Variants in PPP2R5C observed in about 807,000 individuals in gnomAD.
PPP2R5C encodes the protein protein phosphatase 2 regulatory subunit B'gamma, also known as serine/threonine-protein phosphatase 2A 56 kDa regulatory subunit gamma isoform.
In PPP2R5C, 7 loss-of-function variants were observed where a neutral mutation model predicts 68.9. The ratio of observed to expected loss-of-function variants is 0.10; its 90% confidence interval spans 0.06 to 0.19. PPP2R5C has a LOEUF of 0.19. PPP2R5C is among the 10% of genes least tolerant of loss of function. PPP2R5C has a pLI of 1.00. For synonymous variants in PPP2R5C, 210 were observed against 222.2 expected, an observed-to-expected ratio of 0.95 and a Z score of 0.49; for missense variants, 348 against 641.3, an observed-to-expected ratio of 0.54 and a Z score of 4.94.
chr14:101,791,415 T>G (rs1444412376), intron 3 of PPP2R5C, among the ~76,000 whole-genome samples: 1 of 152,210 alleles, frequency 6.6e-6, no homozygotes, highest in African/African-American at 2.4e-5. Flanking sequence ...TTCCCAGATA[T>G]GAGTCCTTTA....
At chr14:101,762,482 G>A (rs972600275) in intron 1 of PPP2R5C, among the ~76,000 whole-genome samples, 2 of 152,048 alleles carry the variant, frequency 1.3e-5, no homozygotes, top group Non-Finnish European at 2.9e-5. Context: ...GGTGAGGGCT[G>A]CGAGCAAGGG....
chr14:101,901,898 G>A lies in PPP2R5C; in HGVS notation c.1023+9G>A. 6.2e-7 allele frequency: 1 copy of A among 1,611,760 alleles called. No individual in the cohort carries two copies. Among genetic ancestry groups the A allele is most frequent in the Non-Finnish European group, 8.5e-7 (1 of 1,178,232 alleles). On this transcript the variant is annotated intron_variant, in intron 9 of 13. Transcript: ENST00000334743. ...CCAGCCCACACTTCCAGGTATGTGGGGCTTGGGGGACCTGATTAAATTCTT... is the reference window on the plus strand; with the variant it reads ...CCAGCCCACACTTCCAGGTATGTGGAGCTTGGGGGACCTGATTAAATTCTT...
chr14:101,902,328 CT>C (rs1299590978), intron 9 of PPP2R5C, among the ~76,000 whole-genome samples: 31 of 152,322 alleles, frequency 2.0e-4, no homozygotes, highest in Middle Eastern at 3.4e-3. Context: ...AGAGCTCTGA[CT>C]TTTGTCACTG....
rs2046482551 is a variant in PPP2R5C at position 101,913,093 on chromosome 14, C to T, written c.1326+620C>T. ...GGCTGCCAGGGTCCGGGAGGGTTTC[C>T]TGGTGTCATGGTCTTTGGGTTTGAT... is the stretch of plus-strand genomic sequence containing the variant. On this transcript the variant is annotated intron_variant, in intron 12 of 13. Coordinates refer to ENST00000334743, the Ensembl canonical transcript of PPP2R5C. The surrounding 1 kb of genome is among the most constrained non-coding windows in gnomAD (Gnocchi z 4.1). Among the ~76,000 whole-genome samples the T allele has an allele frequency of 6.6e-6, 1 of 152,180 alleles. No individual in the cohort carries two copies. The highest frequency in any genetic ancestry group is 1.5e-5 in the Non-Finnish European group (1 of 68,038).
intron 1 of PPP2R5C, among the ~76,000 whole-genome samples, chr14:101,839,924 G>A (rs1180192424): frequency 6.6e-6 from 1 of 151,832 alleles, no homozygotes; most frequent in Admixed American, 6.6e-5. Flanking sequence ...TTCTCTCTGG[G>A]TTGGCCTTTC....
chr14:101,862,676 T>C (rs942118464), intron 2 of PPP2R5C, among the ~76,000 whole-genome samples: 1 of 152,222 alleles, frequency 6.6e-6, no homozygotes, highest in East Asian at 1.9e-4. Context: ...GAAGCAGATA[T>C]GATAATCTAG....
At chr14:101,841,270 A>G (rs1354767200) in intron 1 of PPP2R5C, among the ~76,000 whole-genome samples, 1 of 152,092 alleles carries the variant, frequency 6.6e-6, no homozygotes, top group Non-Finnish European at 1.5e-5. Context: ...CTTTACAGAT[A>G]TTTGCTAAAT....
intron 3 of PPP2R5C, among the ~76,000 whole-genome samples, chr14:101,799,895 G>C (rs961815271): frequency 6.6e-6 from 1 of 152,278 alleles, no homozygotes; most frequent in African/African-American, 2.4e-5. Flanking sequence ...TTTGTTCCTA[G>C]CCTGTGCCTA....
upstream of PPP2R5C, among the ~76,000 whole-genome samples, chr14:101,806,583 A>G (rs2039088290): frequency 6.6e-6 from 1 of 152,090 alleles, no homozygotes; most frequent in Non-Finnish European, 1.5e-5. Context: ...ATTGTTTTTT[A>G]ATCAATTATA....
chr14:101,880,531 C>T (rs1612469), intron 2 of PPP2R5C, among the ~76,000 whole-genome samples: 16,220 of 152,262 alleles, frequency 0.11, 991 homozygotes, highest in African/African-American at 0.14. Context: ...TGCGGTGGCT[C>T]ACGCCTCTAA....
At position 101,888,770 on chromosome 14, in the gene PPP2R5C, T is replaced by G. The variant is rs1018452607; in HGVS notation, c.630-1467T>G. On this transcript the variant is annotated intron_variant, in intron 5 of 13. Transcript: ENST00000334743. The surrounding 1 kb of genome is among the most constrained non-coding windows in gnomAD (Gnocchi z 5.6). ...CCATGCCCGGCTAATTTTTATATAT[T>G]TAGTAGAGGTGGAGTTTTGCCATGT... Among the ~76,000 whole-genome samples, 1 of 152,136 alleles carries G rather than the reference T, an allele frequency of 6.6e-6. No homozygotes were observed. Among genetic ancestry groups the G allele is most frequent in the African/African-American group, 2.4e-5 (1 of 41,440 alleles).
At chr14:101,900,629 T>G (rs968522632) in intron 8 of PPP2R5C, among the ~76,000 whole-genome samples, 1 of 152,272 alleles carries the variant, frequency 6.6e-6, no homozygotes, top group Non-Finnish European at 1.5e-5. Flanking sequence ...AAAAATATTA[T>G]GAAATCTGCA....
In PPP2R5C at chr14:101,825,209, AGC is replaced by A. The variant is rs1166009040; in HGVS notation, c.94+15175_94+15176del. The stretch of plus-strand genomic sequence containing the variant: ...AGAGGGATAGGATAAGAGGGTTTTC[AGC>A]GTGTGTGTGTGTGTGTGTGTGTGTG... On this transcript the variant is annotated intron_variant, in intron 1 of 13. Transcript: ENST00000334743. The surrounding 1 kb of genome is among the most constrained non-coding windows in gnomAD (Gnocchi z 4.0). 2.4e-5 allele frequency among the ~76,000 whole-genome samples: 2 copies of A among 83,622 alleles called. No individual in the cohort carries two copies. Among genetic ancestry groups the A allele is most frequent in the African/African-American group, 5.7e-5 (1 of 17,576 alleles). The allele number at this position is 83,622 out of a possible 152,430, so 54.9% of individuals were successfully genotyped here.
At chr14:101,925,366 T>C in exon 14 of PPP2R5C, 1 of 1,510,410 alleles carries the variant, frequency 6.6e-7, no homozygotes, top group Non-Finnish European at 8.9e-7. Context: ...TCAGTTACAC[T>C]CAAAGCTTTC....
intron 2 of PPP2R5C, among the ~76,000 whole-genome samples, chr14:101,865,625 G>T (rs1407255276): frequency 6.6e-6 from 1 of 152,214 alleles, no homozygotes; most frequent in Non-Finnish European, 1.5e-5. Flanking sequence ...GCTACTTTGG[G>T]TGAACGGCTT....
chr14:101,833,203 T>C (rs1470779998), intron 1 of PPP2R5C, among the ~76,000 whole-genome samples: 1 of 152,190 alleles, frequency 6.6e-6, no homozygotes, highest in East Asian at 1.9e-4. Flanking sequence ...TGGAGTGTGG[T>C]CCAGGAAAAA....
chr14:101,823,938 G>A (rs2040241633), intron 1 of PPP2R5C: 7 of 1,283,174 alleles, frequency 5.5e-6, no homozygotes, highest in Non-Finnish European at 7.1e-6. Context: ...TCTGGGTCAC[G>A]AAGGTAAGGT....
intron 2 of PPP2R5C, among the ~76,000 whole-genome samples, chr14:101,866,776 T>C (rs1308523521): frequency 6.6e-6 from 1 of 152,192 alleles, no homozygotes; most frequent in African/African-American, 2.4e-5. Context: ...CTATACACTT[T>C]TGTAATTTTT....
intron 2 of PPP2R5C, among the ~76,000 whole-genome samples, chr14:101,772,759 G>T (rs1443564934): frequency 6.6e-6 from 1 of 152,154 alleles, no homozygotes; most frequent in Non-Finnish European, 1.5e-5. Context: ...TTGCGCCACT[G>T]CACTCCAGCC....
Sources: gnomAD v4.1 joint callset for allele counts (sites outside exome capture counted in the v4.1 genomes callset) on GRCh38, gnomAD v4.1.1 for gene constraint, Gnocchi (gnomAD v3.1) non-coding constraint, MANE v1.5 for transcripts, NCBI Gene and HGNC (gene_info 2026-07-23, HGNC 2026-07-21) for gene names.